Variants in TMEM132C observed in about 807,000 individuals in gnomAD.
TMEM132C encodes the protein protein phosphatase 1, regulatory subunit 152.
TMEM132C carries 29 observed loss-of-function variants against 61.4 expected under a neutral mutation model. That is an observed-to-expected ratio of 0.47 (90% CI 0.35 to 0.64). The LOEUF (loss-of-function observed/expected upper bound fraction) is 0.64. Ranked by LOEUF, TMEM132C falls within the 30% of genes least tolerant of loss-of-function variation. The pLI is 0.00. For missense variants in TMEM132C, 1,408 were observed against 1,476.9 expected (o/e 0.95, Z 0.76); for synonymous variants, 656 against 633.1 (o/e 1.04, Z -0.54).
chr12:128,561,664 A>G (rs1874524140), intron 3 of TMEM132C, among the ~76,000 whole-genome samples: 1 of 152,266 alleles, frequency 6.6e-6, no homozygotes, highest in Non-Finnish European at 1.5e-5. Flanking sequence ...ACTATGGCAA[A>G]TGCTATAAAG....
rs141149729 is a variant in TMEM132C, at chr12:128,439,163, A to G, written c.974+23543A>G. 195 of 164,110 alleles carry G rather than the reference A, an allele frequency of 1.2e-3. 1 individual carries two copies. The highest frequency in any genetic ancestry group is 4.3e-3 in the African/African-American group (178 of 41,718). The allele number at this position is 164,110 out of a possible 1,614,324, so 10.2% of individuals were successfully genotyped here. A position where few individuals can be genotyped will look rare whatever the true frequency, so the allele number is the denominator to read the frequency against. ...ACAAAGTTGTCATTCATCCACTTCAATGAGTTTCTGACAGCCAATGGCAAG... is the reference window on the plus strand; with the variant it reads ...ACAAAGTTGTCATTCATCCACTTCAGTGAGTTTCTGACAGCCAATGGCAAG... On this transcript the variant is annotated intron_variant, in intron 2 of 8. Coordinates refer to ENST00000435159, the MANE Select transcript of TMEM132C (RefSeq NM_001136103.3).
chr12:128,629,939 C>T (rs2135593406), intron 4 of TMEM132C, among the ~76,000 whole-genome samples: 1 of 148,180 alleles, frequency 6.7e-6, no homozygotes. Flanking sequence ...GCACTCTAGC[C>T]TGGAAGACAA....
At chr12:128,615,290 G>T (rs12579714) in intron 3 of TMEM132C, among the ~76,000 whole-genome samples, 2 of 152,190 alleles carry the variant, frequency 1.3e-5, no homozygotes, top group Admixed American at 6.5e-5. Flanking sequence ...CACAGATGGC[G>T]GTGGTGGGGG....
chr12:128,457,845 T>G (rs192951707), intron 2 of TMEM132C, among the ~76,000 whole-genome samples: 105 of 152,226 alleles, frequency 6.9e-4, no homozygotes, highest in Admixed American at 1.5e-3. Context: ...GATGAGAGAA[T>G]CCAGCCATTG....
chr12:128,314,301 A>G (rs1872075946), intron 1 of TMEM132C, among the ~76,000 whole-genome samples: 1 of 152,074 alleles, frequency 6.6e-6, no homozygotes, highest in South Asian at 2.1e-4. Context: ...GAGCTTTATA[A>G]GGAACAATCT....
At chr12:128,542,433 G>A (rs1233755019) in intron 2 of TMEM132C, among the ~76,000 whole-genome samples, 1 of 152,086 alleles carries the variant, frequency 6.6e-6, no homozygotes, top group Non-Finnish European at 1.5e-5. Context: ...AACCTCCCGA[G>A]TAGCTGGGAC....
chr12:128,664,266 A>G (rs1954435343), intron 4 of TMEM132C, among the ~76,000 whole-genome samples: 1 of 142,942 alleles, frequency 7.0e-6, no homozygotes, highest in South Asian at 2.1e-4. Context: ...GTTCTTATTT[A>G]TTTAAAAGTT....
intron 1 of TMEM132C, among the ~76,000 whole-genome samples, chr12:128,414,240 A>T (rs1296889199): frequency 6.6e-6 from 1 of 152,156 alleles, no homozygotes; most frequent in African/African-American, 2.4e-5. Context: ...AAATATTATA[A>T]AGAAGAAAAA....
At chr12:128,312,962 T>C (rs1872026665) in intron 1 of TMEM132C, among the ~76,000 whole-genome samples, 1 of 152,244 alleles carries the variant, frequency 6.6e-6, no homozygotes, top group Non-Finnish European at 1.5e-5. Context: ...AGGGACTACC[T>C]AGGCTGCAGG....
intron 1 of TMEM132C, among the ~76,000 whole-genome samples, chr12:128,357,767 GC>G (rs2135968690): frequency 6.6e-6 from 1 of 151,610 alleles, no homozygotes; most frequent in South Asian, 2.1e-4. Context: ...CAAGGGTAAG[GC>G]CAGTGCAGTC....
At chr12:128,535,855 A>G (rs1048850026) in intron 2 of TMEM132C, among the ~76,000 whole-genome samples, 1 of 120,646 alleles carries the variant, frequency 8.3e-6, no homozygotes, top group Non-Finnish European at 1.9e-5. Context: ...GTGACAGAGC[A>G]AGACTCCATC....
chr12:128,459,111 T>C lies in TMEM132C; in HGVS notation c.974+43491T>C, dbSNP rs549138272. On this transcript the variant is annotated intron_variant, in intron 2 of 8. Transcript: ENST00000435159. ...TCCCACTGCAGCCTTGGAGGAGGCA[T>C]GGAAGGGGAAGACTGGACCAGCAGC... Among the ~76,000 whole-genome samples, 17 of 152,252 alleles carry C rather than the reference T, an allele frequency of 1.1e-4. No homozygotes were observed. The South Asian group carries it at 3.3e-3, about 30-fold the overall frequency.
At chr12:128,584,853 T>C (rs1475254972) in intron 3 of TMEM132C, among the ~76,000 whole-genome samples, 3 of 152,122 alleles carry the variant, frequency 2.0e-5, no homozygotes. Context: ...CTTCCACTCC[T>C]CCCACCATGG....
At chr12:128,460,469 A>G (rs1029991007) in intron 2 of TMEM132C, among the ~76,000 whole-genome samples, 2 of 152,170 alleles carry the variant, frequency 1.3e-5, no homozygotes, top group Non-Finnish European at 2.9e-5. Context: ...TAGTCCATGC[A>G]GCTATTCCTG....
In TMEM132C at chr12:128,596,067, T is replaced by C. The variant is rs370730842; in HGVS notation, c.1122-20085T>C. On this transcript the variant is annotated intron_variant, in intron 3 of 8. Coordinates refer to ENST00000435159, the MANE Select transcript of TMEM132C (RefSeq NM_001136103.3). ...GTCCATCACACTGGGCTGCCCCTTT[T>C]GCAGGTCCTGGTACAGAGGCAGCAG... 2.0e-3 allele frequency among the ~76,000 whole-genome samples: 277 copies of C among 138,890 alleles called. 1 individual carries two copies. Among genetic ancestry groups the C allele is most frequent in the South Asian group, 0.011 (47 of 4,170 alleles). The allele number at this position is 138,890 out of a possible 152,430, so 91.1% of individuals were successfully genotyped here.
intron 1 of TMEM132C, among the ~76,000 whole-genome samples, chr12:128,348,715 A>G (rs1035646189): frequency 2.4e-4 from 36 of 152,312 alleles, no homozygotes; most frequent in African/African-American, 8.4e-4. Context: ...AGACCTGGTA[A>G]TCCTAGAGCT....
chr12:128,406,414 G>A (rs1459291664), intron 1 of TMEM132C, among the ~76,000 whole-genome samples: 1 of 152,186 alleles, frequency 6.6e-6, no homozygotes, highest in Non-Finnish European at 1.5e-5. Flanking sequence ...CTTCCAGTCT[G>A]TTAGGGAAGA....
intron 2 of TMEM132C, among the ~76,000 whole-genome samples, chr12:128,514,732 C>T (rs1276128656): frequency 3.3e-5 from 5 of 152,182 alleles, no homozygotes; most frequent in Non-Finnish European, 7.3e-5. Flanking sequence ...AGGCATTCAC[C>T]TTGACCTTGA....
intron 1 of TMEM132C, among the ~76,000 whole-genome samples, chr12:128,312,668 G>T (rs931954426): frequency 1.3e-5 from 2 of 152,192 alleles, no homozygotes; most frequent in Non-Finnish European, 2.9e-5. Context: ...CAGGAACTGG[G>T]AGACTCATGA....
Sources: gnomAD v4.1 joint callset for allele counts (sites outside exome capture counted in the v4.1 genomes callset) on GRCh38, gnomAD v4.1.1 for gene constraint, MANE v1.5 for transcripts, NCBI Gene and HGNC (gene_info 2026-07-23, HGNC 2026-07-21) for gene names.